GRK3: variants seen among roughly 807,000 people sequenced by gnomAD.
GRK3 encodes the protein adrenergic, beta, receptor kinase 2.
Under a neutral mutation model 95.7 loss-of-function variants are expected in GRK3, and 54 were observed. The observed-to-expected ratio is 0.56, with a 90% CI of 0.45 to 0.71. GRK3 has a LOEUF of 0.71. Ranked by LOEUF, GRK3 falls within the 30% of genes least tolerant of loss-of-function variation. The probability of loss-of-function intolerance (pLI) is 0.00; values close to 1 mark genes in which losing one functional copy is unlikely to be tolerated. For synonymous variants in GRK3, 281 were observed against 290.8 expected, an observed-to-expected ratio of 0.97 and a Z score of 0.34; for missense variants, 649 against 851.2, an observed-to-expected ratio of 0.76 and a Z score of 2.96.
intron 17 of GRK3, among the ~76,000 whole-genome samples, chr22:25,712,557 A>G (rs568569050): frequency 3.7e-4 from 57 of 152,392 alleles, no homozygotes; most frequent in Admixed American, 6.5e-4. Context: ...TTAAAAAGAG[A>G]TGATCATACT....
Position 25,638,141 on chromosome 22 carries a change from C to T in GRK3, c.191-6451C>T, listed in dbSNP as rs539226346. 3.9e-5 allele frequency among the ~76,000 whole-genome samples: 6 copies of T among 152,308 alleles called. No individual in the cohort carries two copies. In the South Asian group the frequency reaches 1.2e-3, roughly 32 times the overall value. On this transcript the variant is annotated intron_variant, in intron 2 of 20. Transcript: ENST00000324198. ...CACTAAAGGCGATAACAAGGTCATA[C>T]TTCCACCTAACATGATACAACTAGT...
intron 2 of GRK3, among the ~76,000 whole-genome samples, chr22:25,615,053 G>A (rs1460018692): frequency 1.3e-5 from 2 of 152,128 alleles, no homozygotes; most frequent in African/African-American, 4.8e-5. Context: ...GAGATTCCCA[G>A]AAGAGCCTAC....
In GRK3 at chr22:25,649,104, C is replaced by T. The variant is rs1317396160; in HGVS notation, c.264+4439C>T. The T allele has an allele frequency of 3.3e-6, 5 of 1,527,632 alleles. No individual in the cohort carries two copies. The African/African-American group carries it at 6.8e-5, about 21-fold the overall frequency. 94.6% of individuals were successfully genotyped at this position (1,527,632 alleles called of 1,614,324 possible). A position where few individuals can be genotyped will look rare whatever the true frequency, so the allele number is the denominator to read the frequency against. On this transcript the variant is annotated intron_variant, in intron 3 of 20. Coordinates refer to ENST00000324198, the MANE Select transcript of GRK3 (RefSeq NM_005160.4). ...TTGCCCTCAGGGCTGTCCAGAATCC[C>T]TCCATGAATTGATGAATCTGTGTTG... is the stretch of plus-strand genomic sequence containing the variant.
intron 1 of GRK3, among the ~76,000 whole-genome samples, chr22:25,569,778 G>A (rs1292094478): frequency 6.6e-6 from 1 of 152,230 alleles, no homozygotes; most frequent in Non-Finnish European, 1.5e-5. Flanking sequence ...TGTAATAACT[G>A]CCTTTAATTG....
Position 25,564,990 on chromosome 22 carries a change from T to G in GRK3, c.-51T>G. The G allele has an allele frequency of 6.9e-5, 36 of 519,826 alleles. No homozygotes were observed. Among genetic ancestry groups the G allele is most frequent in the Non-Finnish European group, 9.2e-5 (34 of 370,676 alleles). 32.2% of individuals were successfully genotyped at this position (519,826 alleles called of 1,614,324 possible). A position where few individuals can be genotyped will look rare whatever the true frequency, so the allele number is the denominator to read the frequency against. Reference sequence around the variant, plus strand: ...GGCGGGCGGCGGCGGCGGGCGCGCGTCCCGTCCAGGTCCGGAGTAACCGCC... The same window carrying G: ...GGCGGGCGGCGGCGGCGGGCGCGCGGCCCGTCCAGGTCCGGAGTAACCGCC... On this transcript the variant is annotated 5_prime_UTR_variant, in exon 1 of 21. Coordinates refer to ENST00000324198, the MANE Select transcript of GRK3 (RefSeq NM_005160.4).
At chr22:25,594,085 G>A (rs893820134) in intron 1 of GRK3, among the ~76,000 whole-genome samples, 2 of 152,040 alleles carry the variant, frequency 1.3e-5, no homozygotes, top group African/African-American at 4.8e-5. Context: ...GGCTATTTGG[G>A]CTCTTTTTTT....
intron 12 of GRK3, among the ~76,000 whole-genome samples, chr22:25,692,837 C>A (rs2085175856): frequency 6.6e-6 from 1 of 152,226 alleles, no homozygotes; most frequent in African/African-American, 2.4e-5. Flanking sequence ...TGGATGAACT[C>A]CCTGAGGCTT....
rs2084805356 is a variant in GRK3 at position 25,648,672 on chromosome 22, T to C, written c.264+4007T>C. On this transcript the variant is annotated intron_variant, in intron 3 of 20. Coordinates refer to ENST00000324198, the MANE Select transcript of GRK3 (RefSeq NM_005160.4). Reference sequence around the variant, plus strand: ...TGAATTGATGTCAAAAGGAAGCTTATTCAATTTCCTTAAGGAAGGAGATGG... The same window carrying C: ...TGAATTGATGTCAAAAGGAAGCTTACTCAATTTCCTTAAGGAAGGAGATGG... The C allele has an allele frequency of 1.5e-5, 15 of 1,023,666 alleles. No homozygotes were observed. The South Asian group carries it at 1.5e-4, about 10-fold the overall frequency. The allele number at this position is 1,023,666 out of a possible 1,614,324, so 63.4% of individuals were successfully genotyped here.
chr22:25,659,404 G>C (rs1423394285), intron 3 of GRK3, among the ~76,000 whole-genome samples: 1 of 152,220 alleles, frequency 6.6e-6, no homozygotes, highest in Non-Finnish European at 1.5e-5. Context: ...TATGACACCT[G>C]TGGACCAAAA....
chr22:25,726,954 T>C lies in GRK3; in HGVS notation c.*4504T>C, dbSNP rs968730123. 1.3e-5 allele frequency: 2 copies of C among 151,256 alleles called. No homozygotes were observed. The highest frequency in any genetic ancestry group is 2.8e-5 in the Non-Finnish European group (2 of 70,504). The allele number at this position is 151,256 out of a possible 1,614,324, so 9.4% of individuals were successfully genotyped here. ...GTGTGTGTGTGTGTGTGTGTGTGTG[T>C]GTGCACTTTGCAGCCCCCGAGGTGG... On this transcript the variant is annotated 3_prime_UTR_variant, in exon 21 of 21. Transcript: ENST00000324198.
At chr22:25,656,529 G>C (rs1407703518) in intron 3 of GRK3, among the ~76,000 whole-genome samples, 1 of 151,952 alleles carries the variant, frequency 6.6e-6, no homozygotes, top group Admixed American at 6.6e-5. Flanking sequence ...GTCTCACTGT[G>C]TTGCCCAGGC....
At chr22:25,636,187 G>A (rs2084699915) in intron 2 of GRK3, among the ~76,000 whole-genome samples, 1 of 152,136 alleles carries the variant, frequency 6.6e-6, no homozygotes, top group East Asian at 1.9e-4. Flanking sequence ...TTTTCTCTAA[G>A]GAGCTCTAGT....
At chr22:25,633,439 A>G (rs1555920546) in intron 2 of GRK3, among the ~76,000 whole-genome samples, 1 of 152,120 alleles carries the variant, frequency 6.6e-6, no homozygotes, top group Non-Finnish European at 1.5e-5. Context: ...TTCCATGAAC[A>G]TGGTTTTATT....
chr22:25,643,477 A>C (rs1334581604), intron 2 of GRK3, among the ~76,000 whole-genome samples: 1 of 152,228 alleles, frequency 6.6e-6, no homozygotes, highest in Non-Finnish European at 1.5e-5. Flanking sequence ...CATCACAGCC[A>C]CTTCCTTTTT....
intron 1 of GRK3, among the ~76,000 whole-genome samples, chr22:25,589,162 T>C (rs1932415217): frequency 6.6e-6 from 1 of 152,244 alleles, no homozygotes. Context: ...ATATGTTACC[T>C]ATTAATTAAA....
At position 25,661,590 on chromosome 22, in the gene GRK3, A is replaced by G. The variant is rs2084909766; in HGVS notation, c.279A>G (p.Glu93=). 1 of 1,610,672 alleles carries G rather than the reference A, an allele frequency of 6.2e-7. No individual in the cohort carries two copies. Among genetic ancestry groups the G allele is most frequent in the Non-Finnish European group, 8.5e-7 (1 of 1,177,662 alleles). ...VKFYEEIKEY[E]KLDNEEDRLC... is the part of the protein sequence containing the mutation. ...AAAAAACCTAGATAAAGGAATATGA[A>G]AAACTTGATAATGAGGAAGACCGCC... The change falls in exon 4 of 21, where the codon GAA becomes GAG. Residue 93 remains glutamate (E), a synonymous_variant. Transcript: ENST00000324198.
intron 9 of GRK3, among the ~76,000 whole-genome samples, chr22:25,681,824 A>G (rs538386274): frequency 6.6e-6 from 1 of 152,196 alleles, no homozygotes; most frequent in Non-Finnish European, 1.5e-5. Flanking sequence ...AGTTTTACTT[A>G]ATGGTCTACT....
intron 2 of GRK3, among the ~76,000 whole-genome samples, chr22:25,618,646 TC>T (rs2146354681): frequency 6.6e-6 from 1 of 152,318 alleles, no homozygotes; most frequent in South Asian, 2.1e-4. Flanking sequence ...TTTCTCCTTT[TC>T]CTGTTGTCTT....
At chr22:25,675,487 A>T (rs913924632) in intron 8 of GRK3, among the ~76,000 whole-genome samples, 2 of 152,134 alleles carry the variant, frequency 1.3e-5, no homozygotes, top group African/African-American at 2.4e-5. Context: ...GTGGCTTAAG[A>T]CATATTTCTG....
Sources: gnomAD v4.1 joint callset for allele counts (sites outside exome capture counted in the v4.1 genomes callset) on GRCh38, gnomAD v4.1.1 for gene constraint, MANE v1.5 for transcripts, NCBI Gene and HGNC (gene_info 2026-07-23, HGNC 2026-07-21) for gene names.